SGPP2: variants seen among roughly 807,000 people sequenced by gnomAD.
SGPP2 encodes the protein sphingosine 1-phosphate phosphohydrolase 2.
Under a neutral mutation model 33.9 loss-of-function variants are expected in SGPP2, and 30 were observed. The observed-to-expected ratio is 0.89, with a 90% CI of 0.66 to 1.20. The LOEUF (loss-of-function observed/expected upper bound fraction) is 1.20, where lower values mean the gene tolerates loss of function less well. SGPP2 is among the 50% of genes most tolerant of loss of function. The pLI, the probability that SGPP2 is intolerant of heterozygous loss-of-function variation, is 0.00. For synonymous variants in SGPP2, 233 were observed against 225.0 expected (o/e 1.04, Z -0.32); for missense variants, 458 against 532.1 (o/e 0.86, Z 1.37).
At chr2:222,435,574 CAT>C (rs771129295) in intron 1 of SGPP2, among the ~76,000 whole-genome samples, 2 of 152,172 alleles carry the variant, frequency 1.3e-5, no homozygotes, top group Non-Finnish European at 2.9e-5. Flanking sequence ...TTATGTCTAA[CAT>C]AATACAACTA....
At chr2:222,468,669 T>G (rs1183392756) in intron 1 of SGPP2, among the ~76,000 whole-genome samples, 1 of 152,220 alleles carries the variant, frequency 6.6e-6, no homozygotes, top group Non-Finnish European at 1.5e-5. Flanking sequence ...TAGGACTCCT[T>G]TGTATGTGTT....
chr2:222,483,737 A>G (rs1698064329), intron 2 of SGPP2, among the ~76,000 whole-genome samples: 1 of 152,218 alleles, frequency 6.6e-6, no homozygotes, highest in South Asian at 2.1e-4. Flanking sequence ...AGCCTGTCCC[A>G]TCCCTGTAAT....
At chr2:222,555,916 G>A (rs1689389524) in intron 4 of SGPP2, among the ~76,000 whole-genome samples, 1 of 152,164 alleles carries the variant, frequency 6.6e-6, no homozygotes, top group South Asian at 2.1e-4. Flanking sequence ...TCTGATTGTT[G>A]TAGCAAGGTC....
intron 1 of SGPP2, among the ~76,000 whole-genome samples, chr2:222,437,728 C>T (rs939772908): frequency 3.9e-5 from 6 of 152,150 alleles, no homozygotes; most frequent in Admixed American, 2.0e-4. Flanking sequence ...ACGGGCAGTT[C>T]AGGTCTCATG....
intron 1 of SGPP2, among the ~76,000 whole-genome samples, chr2:222,470,496 CT>C (rs1697821878): frequency 6.6e-6 from 1 of 152,156 alleles, no homozygotes; most frequent in African/African-American, 2.4e-5. Context: ...GAATAGTTAG[CT>C]TTTCCCTCAA....
At chr2:222,452,727 G>A in intron 1 of SGPP2, 1 of 1,400,780 alleles carries the variant, frequency 7.1e-7, no homozygotes, top group Admixed American at 1.7e-5. Flanking sequence ...GCTCCACATT[G>A]GAAGGTTTCC....
intron 1 of SGPP2, among the ~76,000 whole-genome samples, chr2:222,453,375 G>A (rs1697522491): frequency 6.6e-6 from 1 of 152,166 alleles, no homozygotes; most frequent in South Asian, 2.1e-4. Context: ...GACTTTTCTG[G>A]AAGATCTTAG....
At chr2:222,468,712 G>T (rs34191887) in intron 1 of SGPP2, among the ~76,000 whole-genome samples, 37,666 of 152,044 alleles carry the variant, frequency 0.25, 4,741 homozygotes, top group East Asian at 0.4. Flanking sequence ...GTGTTCATTG[G>T]CAGGGTTTAG....
intron 2 of SGPP2, among the ~76,000 whole-genome samples, chr2:222,512,138 A>C (rs1474015751): frequency 6.6e-6 from 1 of 151,966 alleles, no homozygotes; most frequent in Non-Finnish European, 1.5e-5. Flanking sequence ...CAGCCTCCCA[A>C]GTAGCTGGAA....
At chr2:222,505,179 T>C (rs1271904940) in intron 2 of SGPP2, among the ~76,000 whole-genome samples, 1 of 152,222 alleles carries the variant, frequency 6.6e-6, no homozygotes, top group East Asian at 1.9e-4. Context: ...CATGCATGCA[T>C]TCTCTCAGTC....
chr2:222,480,410 G>GA (rs1266690678), intron 2 of SGPP2, among the ~76,000 whole-genome samples: 8 of 152,094 alleles, frequency 5.3e-5, no homozygotes, highest in Admixed American at 1.3e-4. Context: ...ATGAGATGTA[G>GA]AAAAAATGAG....
At chr2:222,555,175 G>A (rs956959606) in intron 4 of SGPP2, among the ~76,000 whole-genome samples, 3 of 152,190 alleles carry the variant, frequency 2.0e-5, no homozygotes, top group African/African-American at 7.2e-5. Flanking sequence ...CCAAGCTGTT[G>A]CATGCATCAG....
chr2:222,547,662 C>T (rs1236053714), intron 4 of SGPP2, among the ~76,000 whole-genome samples: 1 of 152,092 alleles, frequency 6.6e-6, no homozygotes, highest in Non-Finnish European at 1.5e-5. Context: ...ACCTGCCTTA[C>T]TTACCTTTTA....
At chr2:222,514,689 G>A (rs938304374) in intron 2 of SGPP2, among the ~76,000 whole-genome samples, 3 of 152,172 alleles carry the variant, frequency 2.0e-5, no homozygotes, top group Non-Finnish European at 4.4e-5. Context: ...TGAATGTCTG[G>A]CAGAACACTT....
intron 1 of SGPP2, among the ~76,000 whole-genome samples, chr2:222,435,155 C>T (rs1417796417): frequency 6.6e-6 from 1 of 151,576 alleles, no homozygotes; most frequent in Non-Finnish European, 1.5e-5. Context: ...CTTCTGCAGG[C>T]TGAGGAACAA....
intron 4 of SGPP2, among the ~76,000 whole-genome samples, chr2:222,539,543 G>C (rs1471636267): frequency 6.6e-6 from 1 of 152,204 alleles, no homozygotes; most frequent in East Asian, 1.9e-4. Context: ...TCACCAATCA[G>C]ATGGCCAGAC....
At chr2:222,487,580 A>C (rs763782516) in intron 2 of SGPP2, among the ~76,000 whole-genome samples, 10 of 152,118 alleles carry the variant, frequency 6.6e-5, no homozygotes, top group Non-Finnish European at 1.2e-4. Flanking sequence ...TGTTGTGCCA[A>C]ACCCCTATTA....
chr2:222,489,797 C>G (rs1397981413), intron 2 of SGPP2, among the ~76,000 whole-genome samples: 2 of 152,082 alleles, frequency 1.3e-5, no homozygotes, highest in East Asian at 3.9e-4. Context: ...GAAACCCCAT[C>G]TCTACTAAAA....
chr2:222,536,066 G>A (rs1698911348), intron 4 of SGPP2, among the ~76,000 whole-genome samples: 1 of 152,190 alleles, frequency 6.6e-6, no homozygotes, highest in African/African-American at 2.4e-5. Context: ...TTCCAGTTTC[G>A]ATTTAAGACT....
Sources: allele counts gnomAD v4.1 joint callset (sites outside exome capture counted in the v4.1 genomes callset), GRCh38; gene constraint gnomAD v4.1.1; transcripts MANE v1.5; gene names NCBI Gene and HGNC (gene_info 2026-07-23, HGNC 2026-07-21).